AOAH: variants seen among roughly 807,000 people sequenced by gnomAD.
AOAH encodes the protein acyloxyacyl hydrolase (neutrophil).
In AOAH, 64 loss-of-function variants were observed where a neutral mutation model predicts 92.2. That is an observed-to-expected ratio of 0.69 (90% CI 0.57 to 0.86). The LOEUF (loss-of-function observed/expected upper bound fraction) is 0.86. Among genes scored for constraint, AOAH ranks in the 40% least tolerant of loss-of-function variants. The probability of loss-of-function intolerance (pLI) is 0.00; values close to 1 mark genes in which losing one functional copy is unlikely to be tolerated. For synonymous variants in AOAH, 263 were observed against 254.5 expected (o/e 1.03, Z -0.32); for missense variants, 656 against 694.6 (o/e 0.94, Z 0.62).
chr7:36,708,688 A>G (rs1243239675), intron 1 of AOAH, among the ~76,000 whole-genome samples: 3 of 152,264 alleles, frequency 2.0e-5, no homozygotes, highest in South Asian at 2.1e-4. Context: ...TATTTTTCTA[A>G]GAGTTGTTGT....
intron 20 of AOAH, among the ~76,000 whole-genome samples, chr7:36,520,930 A>G (rs1048533703): frequency 1.3e-5 from 2 of 152,152 alleles, no homozygotes; most frequent in Admixed American, 6.5e-5. Flanking sequence ...GGCATTTAAT[A>G]CTTACTTTAA....
At chr7:36,565,609 T>C (rs970640042) in intron 13 of AOAH, among the ~76,000 whole-genome samples, 1 of 151,892 alleles carries the variant, frequency 6.6e-6, no homozygotes, top group Non-Finnish European at 1.5e-5. Flanking sequence ...CACGGCTCAC[T>C]GTAGGCTCTA....
intron 1 of AOAH, among the ~76,000 whole-genome samples, chr7:36,703,778 A>G (rs1798193812): frequency 1.3e-5 from 2 of 152,180 alleles, no homozygotes; most frequent in African/African-American, 4.8e-5. Flanking sequence ...GTATGTGTGC[A>G]TGTATCTTTA....
chr7:36,594,482 A>C, intron 11 of AOAH, 52 bp from the exon 12 acceptor site: 5 of 1,478,358 alleles, frequency 3.4e-6, no homozygotes, highest in Non-Finnish European at 4.7e-6. Context: ...TATTTTCTAA[A>C]GGTAGTAAGA....
At chr7:36,673,863 A>G in intron 3 of AOAH, 80 bp downstream of exon 3, 2 of 977,554 alleles carry the variant, frequency 2.0e-6, no homozygotes, top group Non-Finnish European at 3.2e-6. Context: ...TGCTGAACAC[A>G]GAGCCTCCCA....
At chr7:36,523,536 T>G (rs1206374900) in intron 19 of AOAH, among the ~76,000 whole-genome samples, 2 of 152,078 alleles carry the variant, frequency 1.3e-5, no homozygotes, top group African/African-American at 4.8e-5. Flanking sequence ...TTCAACAATT[T>G]CTTTCTTGCC....
intron 10 of AOAH, among the ~76,000 whole-genome samples, chr7:36,617,624 G>A (rs2247995): frequency 0.68 from 103,014 of 152,182 alleles, 35,088 homozygotes; most frequent in African/African-American, 0.76. Flanking sequence ...GGTGATTGTG[G>A]AAGTGGGGAG....
At chr7:36,684,917 AAAAAAAAAAAAAAAAAAAAAAAG>A (rs1215532554) in intron 2 of AOAH, among the ~76,000 whole-genome samples, 1 of 111,978 alleles carries the variant, frequency 8.9e-6, no homozygotes, top group African/African-American at 3.8e-5. Context: ...AAAAAAAAAA[AAAAAAAAAAAAAAAAAAAAAAAG>A]AAGAAGAAGA....
intron 11 of AOAH, among the ~76,000 whole-genome samples, chr7:36,605,572 A>C (rs1790940803): frequency 6.6e-6 from 1 of 152,238 alleles, no homozygotes; most frequent in Non-Finnish European, 1.5e-5. Context: ...ATGTGGGCTG[A>C]GTAATTATAA....
At chr7:36,662,501 G>T (rs915721215) in intron 3 of AOAH, among the ~76,000 whole-genome samples, 1 of 152,174 alleles carries the variant, frequency 6.6e-6, no homozygotes, top group African/African-American at 2.4e-5. Flanking sequence ...AAATCGAGAG[G>T]GTGGCTGTTT....
chr7:36,621,124 G>A (rs6945203), intron 8 of AOAH, among the ~76,000 whole-genome samples: 17,478 of 152,218 alleles, frequency 0.11, 1,078 homozygotes, highest in Middle Eastern at 0.18. Context: ...GAATGGTGCC[G>A]ATGAACATAA....
intron 13 of AOAH, among the ~76,000 whole-genome samples, chr7:36,560,975 G>A (rs1787217159): frequency 1.3e-5 from 2 of 151,886 alleles, no homozygotes; most frequent in East Asian, 1.9e-4. Flanking sequence ...CAGATGAGGT[G>A]GACACAGCCT....
intron 12 of AOAH, among the ~76,000 whole-genome samples, chr7:36,586,079 G>A (rs1352174303): frequency 6.6e-6 from 1 of 151,942 alleles, no homozygotes; most frequent in Non-Finnish European, 1.5e-5. Flanking sequence ...CTTATGCCTG[G>A]GTCCCATCCC....
chr7:36,582,622 C>A (rs567311034), intron 12 of AOAH, among the ~76,000 whole-genome samples: 1 of 152,130 alleles, frequency 6.6e-6, no homozygotes, highest in Admixed American at 6.6e-5. Context: ...AGAGTAATAT[C>A]AAGAATGGGC....
chr7:36,587,140 C>A (rs545690301), intron 12 of AOAH, among the ~76,000 whole-genome samples: 2 of 151,722 alleles, frequency 1.3e-5, no homozygotes, highest in East Asian at 1.9e-4. Flanking sequence ...GGTGTGGCAG[C>A]GTGTGCCTGT....
At chr7:36,619,116 A>G (rs1328553322) in intron 9 of AOAH, among the ~76,000 whole-genome samples, 7 of 152,294 alleles carry the variant, frequency 4.6e-5, no homozygotes, top group Admixed American at 4.6e-4. Flanking sequence ...TGTTAACAAG[A>G]GTGTGCTCAC....
chr7:36,567,482 G>C (rs573817021), intron 13 of AOAH, among the ~76,000 whole-genome samples: 18 of 152,174 alleles, frequency 1.2e-4, no homozygotes, highest in Non-Finnish European at 2.5e-4. Context: ...AGTATATAAA[G>C]TACTTAACGG....
chr7:36,671,006 C>G lies in AOAH; in HGVS notation c.290+2937G>C, dbSNP rs116144713. Among the ~76,000 whole-genome samples the G allele has an allele frequency of 2.7e-3, 411 of 152,288 alleles. 1 individual carries two copies. Among genetic ancestry groups the G allele is most frequent in the African/African-American group, 9.4e-3 (392 of 41,558 alleles). On this transcript the variant is annotated intron_variant, in intron 3 of 20. Coordinates refer to ENST00000617537, the MANE Select transcript of AOAH (RefSeq NM_001637.4). Reference sequence around the variant, plus strand: ...CAGCACACTGCTGTTGGGAGCTGCTCTCTGGCACCCCCTTTTGGACATTTG... The same window carrying G: ...CAGCACACTGCTGTTGGGAGCTGCTGTCTGGCACCCCCTTTTGGACATTTG...
In AOAH at chr7:36,522,218, G is replaced by T. The variant is rs1008374834; in HGVS notation, c.1523-103C>A. The T allele has an allele frequency of 1.2e-3, 1,189 of 998,722 alleles. 1 individual carries two copies. Among genetic ancestry groups the T allele is most frequent in the Admixed American group, 3.1e-3 (150 of 48,144 alleles). The allele number at this position is 998,722 out of a possible 1,614,324, so 61.9% of individuals were successfully genotyped here. ...ACTGCCCATGCCCTCCCGGGCCCATGTTGACCAAGCCACGGCTGCCTCTGA... is the reference window on the plus strand; with the variant it reads ...ACTGCCCATGCCCTCCCGGGCCCATTTTGACCAAGCCACGGCTGCCTCTGA... On this transcript the variant is annotated intron_variant, in intron 19 of 20. Coordinates refer to ENST00000617537, the MANE Select transcript of AOAH (RefSeq NM_001637.4).
Sources: gnomAD v4.1 joint callset for allele counts (sites outside exome capture counted in the v4.1 genomes callset) on GRCh38, gnomAD v4.1.1 for gene constraint, MANE v1.5 for transcripts, NCBI Gene and HGNC (gene_info 2026-07-23, HGNC 2026-07-21) for gene names.